The following APAF1 variants were observed in gnomAD, a reference collection of about 807,000 sequenced individuals.
The protein encoded by APAF1 is apoptotic peptidase activating factor 1.
A neutral mutation model predicts 152.4 loss-of-function variants in APAF1; 91 were observed. The ratio of observed to expected loss-of-function variants is 0.60; its 90% CI spans 0.50 to 0.71. The LOEUF (loss-of-function observed/expected upper bound fraction) is 0.71. APAF1 is among the 30% of genes least tolerant of loss of function. APAF1 has a pLI of 0.00. For synonymous variants in APAF1, 484 were observed against 494.1 expected (o/e 0.98, Z 0.27); for missense variants, 1,283 against 1,472.0 (o/e 0.87, Z 2.10).
At chr12:98,699,357 G>GTGAT (rs774377509) in intron 16 of APAF1, 51 bp from the exon 17 acceptor site, 1 of 1,558,306 alleles carries the variant, frequency 6.4e-7, no homozygotes, top group Non-Finnish European at 8.8e-7. Context: ...TTCTAGAAGT[G>GTGAT]TGATTATAGA....
intron 25 of APAF1, 145 bp from the exon 26 acceptor site, chr12:98,727,028 C>T (rs902372775): frequency 1.9e-5 from 13 of 683,692 alleles, no homozygotes; most frequent in Non-Finnish European, 2.9e-5. Flanking sequence ...AAATAAATGG[C>T]AATATTAGTA....
chr12:98,713,555 A>G (rs2153339586), intron 21 of APAF1, among the ~76,000 whole-genome samples: 1 of 152,384 alleles, frequency 6.6e-6, no homozygotes, highest in African/African-American at 2.4e-5. Flanking sequence ...AGGTAAAAAT[A>G]GAAACACTTT....
chr12:98,697,407 C>G (rs1263623349), intron 16 of APAF1, among the ~76,000 whole-genome samples: 1 of 152,144 alleles, frequency 6.6e-6, no homozygotes, highest in Non-Finnish European at 1.5e-5. Flanking sequence ...GTATCTGATT[C>G]ATTTATATAG....
chr12:98,652,392 C>T (rs1440094938), intron 4 of APAF1, among the ~76,000 whole-genome samples: 2 of 152,166 alleles, frequency 1.3e-5, no homozygotes, highest in African/African-American at 4.8e-5. Context: ...GTAATTTTTG[C>T]CAGGCAAACT....
chr12:98,682,315 A>G (rs2097693283), intron 14 of APAF1, among the ~76,000 whole-genome samples: 2 of 151,756 alleles, frequency 1.3e-5, no homozygotes, highest in East Asian at 1.9e-4. Context: ...GGCCTCCCAA[A>G]GTGCTGGGAT....
intron 22 of APAF1, among the ~76,000 whole-genome samples, chr12:98,722,612 C>A (rs2097744570): frequency 1.3e-5 from 2 of 152,142 alleles, no homozygotes; most frequent in Non-Finnish European, 2.9e-5. Context: ...TTCCCCCCAC[C>A]CCTTTCCTTA....
intron 13 of APAF1, among the ~76,000 whole-genome samples, chr12:98,678,145 C>T (rs984814368): frequency 5.3e-5 from 8 of 152,138 alleles, no homozygotes; most frequent in Admixed American, 5.2e-4. Flanking sequence ...TAGCTTATGT[C>T]TATATGTGTA....
intron 26 of APAF1, among the ~76,000 whole-genome samples, chr12:98,730,580 A>G (rs2097759342): frequency 1.3e-5 from 2 of 152,214 alleles, no homozygotes; most frequent in Non-Finnish European, 2.9e-5. Flanking sequence ...CTTCTAGCCT[A>G]TGTATTTAGT....
At chr12:98,692,365 G>A (rs2097705222) in intron 16 of APAF1, among the ~76,000 whole-genome samples, 1 of 152,146 alleles carries the variant, frequency 6.6e-6, no homozygotes, top group South Asian at 2.1e-4. Context: ...TTACAGGCGT[G>A]AGCCACTGCA....
chr12:98,676,735 CTCCCAGG>C (rs2097686988), intron 12 of APAF1, among the ~76,000 whole-genome samples: 1 of 150,682 alleles, frequency 6.6e-6, no homozygotes, highest in African/African-American at 2.4e-5. Context: ...CAACCTCCAT[CTCCCAGG>C]TTCAAGCGAT....
chr12:98,728,803 C>G (rs766119267), intron 26 of APAF1, among the ~76,000 whole-genome samples: 1 of 152,186 alleles, frequency 6.6e-6, no homozygotes, highest in African/African-American at 2.4e-5. Flanking sequence ...AGGTCTCTGC[C>G]TCTGCTTTCT....
intron 26 of APAF1, among the ~76,000 whole-genome samples, chr12:98,728,710 G>A (rs1005371852): frequency 2.6e-5 from 4 of 152,138 alleles, no homozygotes; most frequent in Non-Finnish European, 5.9e-5. Flanking sequence ...GCAACAGAGC[G>A]AGACTATCTC....
At chr12:98,645,869 AGG>A (rs1454000130) in intron 1 of APAF1, 34 bp downstream of exon 1, 2 of 152,246 alleles carry the variant, frequency 1.3e-5, no homozygotes, top group Non-Finnish European at 2.9e-5. Context: ...TCCCCGAGCC[AGG>A]TTCTTTGGAG....
chr12:98,717,154 C>T (rs1440394088), intron 22 of APAF1, among the ~76,000 whole-genome samples: 1 of 151,964 alleles, frequency 6.6e-6, no homozygotes, highest in African/African-American at 2.4e-5. Flanking sequence ...AGGCATGAGC[C>T]CCCGCACCTG....
intron 22 of APAF1, among the ~76,000 whole-genome samples, chr12:98,718,718 T>C (rs2097737898): frequency 6.6e-6 from 1 of 152,064 alleles, no homozygotes; most frequent in Non-Finnish European, 1.5e-5. Flanking sequence ...GGAGGATTGC[T>C]TGAGGCAGGA....
chr12:98,693,470 G>A (rs971173344), intron 16 of APAF1, among the ~76,000 whole-genome samples: 1 of 152,102 alleles, frequency 6.6e-6, no homozygotes, highest in African/African-American at 2.4e-5. Flanking sequence ...CAATTGAGCC[G>A]TATCGTGTGA....
chr12:98,651,868 G>A (rs1204560835), intron 4 of APAF1, among the ~76,000 whole-genome samples: 3 of 152,132 alleles, frequency 2.0e-5, no homozygotes, highest in Non-Finnish European at 4.4e-5. Context: ...AGGCTGGAGT[G>A]CAGTGGCACA....
At chr12:98,718,267 C>T (rs1274307315) in intron 22 of APAF1, among the ~76,000 whole-genome samples, 1 of 151,870 alleles carries the variant, frequency 6.6e-6, no homozygotes, top group Non-Finnish European at 1.5e-5. Context: ...CAGTCTTGCT[C>T]TATTGCCTAG....
chr12:98,691,131 C>T (rs547285886), intron 16 of APAF1, among the ~76,000 whole-genome samples: 15 of 152,194 alleles, frequency 9.9e-5, no homozygotes, highest in African/African-American at 2.2e-4. Flanking sequence ...TGCTTGAACC[C>T]GGGAGGCGGA....
Sources: gnomAD v4.1 joint callset for allele counts (sites outside exome capture counted in the v4.1 genomes callset) on GRCh38, gnomAD v4.1.1 for gene constraint, MANE v1.5 for transcripts, NCBI Gene and HGNC (gene_info 2026-07-23, HGNC 2026-07-21) for gene names.